The following RALGPS2 variants were observed in gnomAD, a reference collection of about 807,000 sequenced individuals.
The protein encoded by RALGPS2 is ras-specific guanine nucleotide-releasing factor RalGPS2.
In RALGPS2, 43 loss-of-function variants were observed where a neutral mutation model predicts 86.8. The observed-to-expected ratio is 0.50, with a 90% CI of 0.39 to 0.64. The LOEUF (loss-of-function observed/expected upper bound fraction) is 0.64. Ranked by LOEUF, RALGPS2 falls within the 30% of genes least tolerant of loss-of-function variation. The pLI, the probability that RALGPS2 is intolerant of heterozygous loss-of-function variation, is 0.00. For synonymous variants in RALGPS2, 243 were observed against 231.3 expected (o/e 1.05, Z -0.46); for missense variants, 536 against 694.6 (o/e 0.77, Z 2.57).
rs1322594082 is a variant in RALGPS2 at position 178,920,305 on chromosome 1, T to C, written c.*3946T>C. The C allele has an allele frequency of 6.6e-6, 1 of 152,018 alleles. No individual in the cohort carries two copies. The highest frequency in any genetic ancestry group is 2.4e-5 in the African/African-American group (1 of 41,450). The allele number at this position is 152,018 out of a possible 1,614,324, so 9.4% of individuals were successfully genotyped here. On this transcript the variant is annotated 3_prime_UTR_variant, in exon 20 of 20. Transcript: ENST00000367635. ...GAAAGAGATCCAGGCATAAAAACTC[T>C]TTTGCTTATTGAAAGCAATTTGATT...
chr1:178,742,894 G>A (rs192396164), intron 1 of RALGPS2, among the ~76,000 whole-genome samples: 35 of 152,298 alleles, frequency 2.3e-4, no homozygotes, highest in Non-Finnish European at 4.0e-4. Context: ...AAAGTCTTTT[G>A]AACTGAATCA....
At chr1:178,867,849 T>C (rs756501742) in intron 8 of RALGPS2, among the ~76,000 whole-genome samples, 1 of 151,818 alleles carries the variant, frequency 6.6e-6, no homozygotes, top group African/African-American at 2.4e-5. Flanking sequence ...CAATGAAATA[T>C]AACTCTTATG....
intron 8 of RALGPS2, chr1:178,851,275 C>G (rs753694956): frequency 6.2e-6 from 10 of 1,613,338 alleles, no homozygotes; most frequent in Non-Finnish European, 8.5e-6. Flanking sequence ...TGTGCACAGG[C>G]ATTGTACCAC....
At chr1:178,823,627 C>T (rs566032726) in intron 7 of RALGPS2, among the ~76,000 whole-genome samples, 1 of 152,224 alleles carries the variant, frequency 6.6e-6, no homozygotes, top group East Asian at 1.9e-4. Context: ...CAGATACATT[C>T]AAATGGCAGA....
intron 8 of RALGPS2, among the ~76,000 whole-genome samples, chr1:178,873,583 G>T (rs1461637429): frequency 6.6e-6 from 1 of 152,112 alleles, no homozygotes; most frequent in African/African-American, 2.4e-5. Context: ...TTAGCACTTG[G>T]CAGTTTTGCT....
intron 5 of RALGPS2, among the ~76,000 whole-genome samples, chr1:178,810,168 G>A (rs1463705376): frequency 6.6e-6 from 1 of 151,994 alleles, no homozygotes; most frequent in South Asian, 2.1e-4. Flanking sequence ...TGGATCACCT[G>A]AGCTCGGGAG....
At chr1:178,808,782 A>G (rs1277901308) in intron 5 of RALGPS2, among the ~76,000 whole-genome samples, 1 of 152,180 alleles carries the variant, frequency 6.6e-6, no homozygotes, top group African/African-American at 2.4e-5. Context: ...TGCTTGGGGC[A>G]TCTTTGTACT....
At chr1:178,735,478 C>T (rs1369535781) in intron 1 of RALGPS2, among the ~76,000 whole-genome samples, 2 of 145,874 alleles carry the variant, frequency 1.4e-5, no homozygotes, top group South Asian at 2.1e-4. Flanking sequence ...AGTGCAGTGG[C>T]GTGATCTCAG....
At chr1:178,838,361 T>TC in intron 8 of RALGPS2, among the ~76,000 whole-genome samples, 2 of 152,192 alleles carry the variant, frequency 1.3e-5, no homozygotes, top group African/African-American at 4.8e-5. Context: ...ACATTTGCTG[T>TC]TCAGCAATAT....
chr1:178,870,230 G>C (rs1183346041), intron 8 of RALGPS2, among the ~76,000 whole-genome samples: 3 of 152,104 alleles, frequency 2.0e-5, no homozygotes, highest in Admixed American at 6.6e-5. Flanking sequence ...CTGTAATTGA[G>C]ATTTTGTTGC....
Position 178,805,130 on chromosome 1 carries a change from T to G in RALGPS2, c.214-2915T>G, listed in dbSNP as rs1325606545. On this transcript the variant is annotated intron_variant, in intron 4 of 19. Coordinates refer to ENST00000367635, the MANE Select transcript of RALGPS2 (RefSeq NM_152663.5). The stretch of plus-strand genomic sequence containing the variant: ...ACCCATTTTTTGATGGGGTTGTTTG[T>G]TTTTTTCTTGTAAATTTGTTTGAGT... Among the ~76,000 whole-genome samples, 4 of 151,060 alleles carry G rather than the reference T, an allele frequency of 2.6e-5. No individual in the cohort carries two copies. The East Asian group carries it at 7.7e-4, about 29-fold the overall frequency.
intron 4 of RALGPS2, among the ~76,000 whole-genome samples, chr1:178,786,210 A>G (rs1016495165): frequency 2.0e-5 from 3 of 152,036 alleles, no homozygotes; most frequent in African/African-American, 7.2e-5. Flanking sequence ...TGTTGTTTAC[A>G]GGTCAGCTGT....
intron 4 of RALGPS2, among the ~76,000 whole-genome samples, chr1:178,801,315 T>C (rs1293586191): frequency 1.3e-5 from 2 of 152,122 alleles, no homozygotes; most frequent in African/African-American, 4.8e-5. Context: ...TGTAATTTAA[T>C]CTACTGTGTT....
chr1:178,827,061 A>G (rs1234445640), intron 7 of RALGPS2, among the ~76,000 whole-genome samples: 1 of 152,234 alleles, frequency 6.6e-6, no homozygotes, highest in African/African-American at 2.4e-5. Context: ...ATTTCTGTAC[A>G]TTAATAACGA....
At chr1:178,846,676 T>C (rs1391001154) in intron 8 of RALGPS2, among the ~76,000 whole-genome samples, 1 of 152,202 alleles carries the variant, frequency 6.6e-6, no homozygotes, top group Non-Finnish European at 1.5e-5. Flanking sequence ...TTAAGTGCCT[T>C]GTCTTTCTAA....
At chr1:178,786,803 G>A (rs1653673046) in intron 4 of RALGPS2, among the ~76,000 whole-genome samples, 1 of 152,052 alleles carries the variant, frequency 6.6e-6, no homozygotes. Context: ...ATACAAGTCT[G>A]TAGTGGCCCT....
rs144312482 is a variant in RALGPS2, at chr1:178,761,675, C to T, written c.-83-15007C>T. 3.4e-3 allele frequency among the ~76,000 whole-genome samples: 516 copies of T among 152,038 alleles called. 1 individual carries two copies. Among genetic ancestry groups the T allele is most frequent in the Admixed American group, 7.6e-3 (116 of 15,276 alleles). ...TTCCAGGTTCAAGTGATTCTCCTGC[C>T]TCAGCCTCCCAAGTAGCTGAGATTA... On this transcript the variant is annotated intron_variant, in intron 1 of 19. Transcript: ENST00000367635.
chr1:178,730,275 C>A lies in RALGPS2; in HGVS notation c.-84+4856C>A, dbSNP rs560183464. On this transcript the variant is annotated intron_variant, in intron 1 of 19. Coordinates refer to ENST00000367635, the MANE Select transcript of RALGPS2 (RefSeq NM_152663.5). ...CAGTTTTCCTGTTTTTCAATTTTAG[C>A]TGTTGTCTGTTGGCTTTCTTCTGTG... Among the ~76,000 whole-genome samples, 9 of 152,218 alleles carry A rather than the reference C, an allele frequency of 5.9e-5. No individual in the cohort carries two copies. In the East Asian group the frequency reaches 1.7e-3, roughly 29 times the overall value.
intron 8 of RALGPS2, among the ~76,000 whole-genome samples, chr1:178,871,574 G>T (rs1464863644): frequency 6.6e-6 from 1 of 152,164 alleles, no homozygotes; most frequent in Non-Finnish European, 1.5e-5. Context: ...TGTTGTTGTA[G>T]TATGTTATGT....
Sources: allele counts gnomAD v4.1 joint callset (sites outside exome capture counted in the v4.1 genomes callset), GRCh38; gene constraint gnomAD v4.1.1; transcripts MANE v1.5; gene names NCBI Gene and HGNC (gene_info 2026-07-23, HGNC 2026-07-21).